Variants in MRGPRE observed in about 807,000 individuals in gnomAD.
The protein encoded by MRGPRE is MAS related GPR family member E.
For missense variants in MRGPRE, 466 were observed against 433.4 expected (o/e 1.08, Z -0.67); for synonymous variants, 229 against 206.7 (o/e 1.11, Z -0.92).
chr11:3,228,889 C>A, intron 1 of MRGPRE, 29 bp from the exon 2 acceptor site: 1 of 1,078,662 alleles, frequency 9.3e-7, no homozygotes, highest in Non-Finnish European at 1.3e-6. Flanking sequence ...GAGTCTGGGG[C>A]TCAGGAATCC....
At position 3,228,374 on chromosome 11, in the gene MRGPRE, A is replaced by G; in HGVS notation, c.426T>C (p.Cys142=). The G allele has an allele frequency of 1.3e-6, 2 of 1,590,018 alleles. No homozygotes were observed. Among genetic ancestry groups the G allele is most frequent in the African/African-American group, 1.3e-5 (1 of 74,546 alleles). ...SCRRPRHLTT[C]VCALTWALCL... is the part of the protein sequence containing the mutation. ...AGAGGGCCCAGGTGAGGGCGCACACACAGGTGGTCAGGTGGCGTGGGCGGC... is the reference window on the plus strand; with the variant it reads ...AGAGGGCCCAGGTGAGGGCGCACACGCAGGTGGTCAGGTGGCGTGGGCGGC... Residue 142 remains cysteine (C), a synonymous_variant, in exon 2 of 2, where the codon TGT becomes TGC. Transcript: ENST00000389832.
Position 3,230,022 on chromosome 11 carries a change from C to T in MRGPRE, c.-61-1162G>A, listed in dbSNP as rs1022663639. Among the ~76,000 whole-genome samples, 2 of 152,120 alleles carry T rather than the reference C, an allele frequency of 1.3e-5. No homozygotes were observed. Among genetic ancestry groups the T allele is most frequent in the Admixed American group, 1.3e-4 (2 of 15,284 alleles). On this transcript the variant is annotated intron_variant, in intron 1 of 1. Transcript: ENST00000389832. The surrounding 1 kb of genome is among the most constrained non-coding windows in gnomAD (Gnocchi z 5.5). ...AATCCCAGGGGACCTAGGCTGGAAT[C>T]GGAGTCTTCATCACAGCTTTGCCAG...
At position 3,227,258 on chromosome 11, in the gene MRGPRE, T is replaced by A. The variant is rs911847022; in HGVS notation, c.*603A>T. Among the ~76,000 whole-genome samples the A allele has an allele frequency of 3.3e-5, 5 of 152,150 alleles. No individual in the cohort carries two copies. The highest frequency in any genetic ancestry group is 6.5e-5 in the Admixed American group (1 of 15,298). On this transcript the variant is annotated 3_prime_UTR_variant, in exon 2 of 2. Coordinates refer to ENST00000389832, the MANE Select transcript of MRGPRE (RefSeq NM_001039165.4). ...GCTTTTCTGAAGCTCCGAGTGAGGG[T>A]TGCATCGTCCCGGTCTGAGGTGCAC... is the stretch of plus-strand genomic sequence containing the variant.
rs1218738680 is a variant in MRGPRE, at chr11:3,228,218, C to T, written c.582G>A (p.Gly194=). The change falls in exon 2 of 2, where the codon GGG becomes GGA. Residue 194 remains glycine (G), a synonymous_variant. Coordinates refer to ENST00000389832, the MANE Select transcript of MRGPRE (RefSeq NM_001039165.4). Reference sequence around the variant, plus strand: ...CCCGCAGCAGCAGCATAAGGCTGGCCCCACACATGGTGCAACACAGCAGAG... The same window carrying T: ...CCCGCAGCAGCAGCATAAGGCTGGCTCCACACATGGTGCAACACAGCAGAG... ...LLALLCCTMC[G]ASLMLLLRVE... 1 of 1,556,112 alleles carries T rather than the reference C, an allele frequency of 6.4e-7. No individual in the cohort carries two copies. Among genetic ancestry groups the T allele is most frequent in the East Asian group, 2.4e-5 (1 of 41,844 alleles).
rs1399341427 is a variant in MRGPRE at position 3,228,401 on chromosome 11, G to A, written c.399C>T (p.Cys133=). ...AGGTGGTCAGGTGGCGTGGGCGGCG[G>A]CACGAGTACCAGGCTGGGAAGAGGG... ...LAALFPAWYS[C]RRPRHLTTCV... is the part of the protein sequence containing the mutation. The change falls in exon 2 of 2, where the codon TGC becomes TGT. Residue 133 remains cysteine, a synonymous_variant. Transcript: ENST00000389832. The A allele has an allele frequency of 6.2e-7, 1 of 1,602,162 alleles. No homozygotes were observed. The highest frequency in any genetic ancestry group is 8.5e-7 in the Non-Finnish European group (1 of 1,175,912).
chr11:3,229,597 C>T lies in MRGPRE; in HGVS notation c.-61-737G>A, dbSNP rs1195053516. On this transcript the variant is annotated intron_variant, in intron 1 of 1. Coordinates refer to ENST00000389832, the MANE Select transcript of MRGPRE (RefSeq NM_001039165.4). The surrounding 1 kb of genome is among the most constrained non-coding windows in gnomAD (Gnocchi z 4.4). Reference sequence around the variant, plus strand: ...AGCTTACAGTGGCTGTGGGGCTTTTCGTCATCATCTTAAAGCAGCCCTCAA... The same window carrying T: ...AGCTTACAGTGGCTGTGGGGCTTTTTGTCATCATCTTAAAGCAGCCCTCAA... Among the ~76,000 whole-genome samples the T allele has an allele frequency of 2.0e-5, 3 of 152,178 alleles. No individual in the cohort carries two copies. The highest frequency in any genetic ancestry group is 7.2e-5 in the African/African-American group (3 of 41,428).
rs1008765131 is a variant in MRGPRE, at chr11:3,227,049, C to G, written c.*812G>C. ...CCTTCCTCAGAGGGATCCTCTGGAG[C>G]GGGACTTGCTCAGGACAGAGGCGGG... On this transcript the variant is annotated 3_prime_UTR_variant, in exon 2 of 2. Transcript: ENST00000389832. 2.0e-5 allele frequency among the ~76,000 whole-genome samples: 3 copies of G among 152,172 alleles called. No homozygotes were observed. The highest frequency in any genetic ancestry group is 1.5e-5 in the Non-Finnish European group (1 of 68,032).
Position 3,228,373 on chromosome 11 carries a change from C to T in MRGPRE, c.427G>A (p.Val143Met), listed in dbSNP as rs1231370383. Reference sequence around the variant, plus strand: ...CAGAGGGCCCAGGTGAGGGCGCACACACAGGTGGTCAGGTGGCGTGGGCGG... The same window carrying T: ...CAGAGGGCCCAGGTGAGGGCGCACATACAGGTGGTCAGGTGGCGTGGGCGG... ...CRRPRHLTTC[V>M]CALTWALCLL... is the part of the protein sequence containing the mutation. Residue 143 changes from valine (V) to methionine (M), a missense_variant, in exon 2 of 2, where the codon GTG (valine) becomes ATG (methionine). Physicochemically the swap from Val to Met is conservative, Grantham distance 21. Transcript: ENST00000389832. The T allele has an allele frequency of 1.3e-6, 2 of 1,589,412 alleles. No individual in the cohort carries two copies. Among genetic ancestry groups the T allele is most frequent in the South Asian group, 1.1e-5 (1 of 88,858 alleles).
In MRGPRE at chr11:3,228,646, T is replaced by A; in HGVS notation, c.154A>T (p.Asn52Tyr). ...ATGGCGAAGGGGTTTCTGTAGACAT[T>A]GGAGCTGAGCAGCCAGAGGACTGCC... The part of the protein sequence containing the change: ...NGAVLWLLSS[N>Y]VYRNPFAIYL... Residue 52 changes from asparagine to tyrosine, a missense_variant, in exon 2 of 2, where the codon AAT becomes TAT. Transcript: ENST00000389832. The A allele has an allele frequency of 6.2e-7, 1 of 1,613,978 alleles. No homozygotes were observed. Among genetic ancestry groups the A allele is most frequent in the Non-Finnish European group, 8.5e-7 (1 of 1,179,992 alleles).
In MRGPRE at chr11:3,230,302, C is replaced by G. The variant is rs1452683013; in HGVS notation, c.-61-1442G>C. On this transcript the variant is annotated intron_variant, in intron 1 of 1. Transcript: ENST00000389832. The surrounding 1 kb of genome is among the most constrained non-coding windows in gnomAD (Gnocchi z 5.5). ...TTGGTGGTGGCTGGTCCTCCTGTGTCCTGGGAGGGCTGGGGTTTGGGGTGA... is the reference window on the plus strand; with the variant it reads ...TTGGTGGTGGCTGGTCCTCCTGTGTGCTGGGAGGGCTGGGGTTTGGGGTGA... Among the ~76,000 whole-genome samples, 1 of 151,942 alleles carries G rather than the reference C, an allele frequency of 6.6e-6. No individual in the cohort carries two copies. The highest frequency in any genetic ancestry group is 1.5e-5 in the Non-Finnish European group (1 of 67,970).
chr11:3,229,449 A>G lies in MRGPRE; in HGVS notation c.-61-589T>C, dbSNP rs190406740. 2.2e-4 allele frequency among the ~76,000 whole-genome samples: 34 copies of G among 151,978 alleles called. No individual in the cohort carries two copies. The highest frequency in any genetic ancestry group is 1.7e-3 in the South Asian group (8 of 4,814). ...ACCATATTGGCCAGGCTGGTCTCGA[A>G]CTCCTGACCTCGTGATCCGCCTGCC... On this transcript the variant is annotated intron_variant, in intron 1 of 1. Transcript: ENST00000389832. This position sits in a 1 kb window ranked among gnomAD's most constrained non-coding sequence, Gnocchi z 4.4.
rs752309408 is a variant in MRGPRE, at chr11:3,228,059, G to A, written c.741C>T (p.Pro247=). Residue 247 remains proline (P), a synonymous_variant, in exon 2 of 2, where the codon CCC becomes CCT. Coordinates refer to ENST00000389832, the MANE Select transcript of MRGPRE (RefSeq NM_001039165.4). The stretch of plus-strand genomic sequence containing the variant: ...GGAAGCTGAAGTGGTAGAAGTAGTG[G>A]GGGATGTACCAGAGCAGGTTCCGGG... ...WLSRNLLWYI[P]HYFYHFSFLM... 1 of 1,608,798 alleles carries A rather than the reference G, an allele frequency of 6.2e-7. No homozygotes were observed. The highest frequency in any genetic ancestry group is 2.2e-5 in the East Asian group (1 of 44,684).
chr11:3,228,336 TGCA>T lies in MRGPRE; in HGVS notation c.461_463del (p.Leu154del). 6.4e-7 allele frequency: 1 copy of T among 1,565,560 alleles called. No individual in the cohort carries two copies. Among genetic ancestry groups the T allele is most frequent in the Non-Finnish European group, 8.6e-7 (1 of 1,159,226 alleles). Reference sequence around the variant, plus strand: ...GGTGCAGGCGCCGCTGAGCAGCAGGTGCAGCAGCAGGCAGAGGGCCCAGGTGAG... The same window carrying T: ...GGTGCAGGCGCCGCTGAGCAGCAGGTGCAGCAGGCAGAGGGCCCAGGTGAG... On this transcript the variant is annotated inframe_deletion, in exon 2 of 2. Transcript: ENST00000389832.
rs145193692 is a variant in MRGPRE, at chr11:3,228,917, C to T, written c.-61-57G>A. 9.3e-4 allele frequency: 752 copies of T among 809,676 alleles called. 3 individuals are homozygous for T. The African/African-American group carries it at 0.011, about 12-fold the overall frequency. 50.2% of individuals were successfully genotyped at this position (809,676 alleles called of 1,614,324 possible). On this transcript the variant is annotated intron_variant, in intron 1 of 1. Transcript: ENST00000389832. ...AGGAATCCATGCCCCCTGCTCCTCC[C>T]CACATCAGGGGAGATGAGAGTTGGG... is the stretch of plus-strand genomic sequence containing the variant.
At position 3,231,548 on chromosome 11, in the gene MRGPRE, G is replaced by A. The variant is rs1218287025; in HGVS notation, c.-62+593C>T. ...GCATCCTTGGTGAGCAGGAGGAAGA[G>A]GAGAGGGAGGAGAAGGAGGGGAGGA... On this transcript the variant is annotated intron_variant, in intron 1 of 1. Coordinates refer to ENST00000389832, the MANE Select transcript of MRGPRE (RefSeq NM_001039165.4). This position sits in a 1 kb window ranked among gnomAD's most constrained non-coding sequence, Gnocchi z 4.7. Among the ~76,000 whole-genome samples the A allele has an allele frequency of 2.7e-5, 4 of 150,718 alleles. No homozygotes were observed. The highest frequency in any genetic ancestry group is 5.9e-5 in the Non-Finnish European group (4 of 67,678).
chr11:3,231,305 G>C lies in MRGPRE; in HGVS notation c.-62+836C>G, dbSNP rs2134632707. 6.6e-6 allele frequency among the ~76,000 whole-genome samples: 1 copy of C among 152,124 alleles called. No individual in the cohort carries two copies. The highest frequency in any genetic ancestry group is 2.4e-5 in the African/African-American group (1 of 41,502). ...GGAAGGGGAGAGGCATGAAGAGATGGGGGACAGAGAAGGAAACAGGGAGGA... is the reference window on the plus strand; with the variant it reads ...GGAAGGGGAGAGGCATGAAGAGATGCGGGACAGAGAAGGAAACAGGGAGGA... On this transcript the variant is annotated intron_variant, in intron 1 of 1. Transcript: ENST00000389832. This position sits in a 1 kb window ranked among gnomAD's most constrained non-coding sequence, Gnocchi z 4.7.
rs763878855 is a variant in MRGPRE at position 3,225,548 on chromosome 11, C to T, written c.*2313G>A. ...GTGCAGCGGGGGAGGTCAGAGGAGGCGCAGGCTGGGCAGGGGCAGGTGGGA... is the reference window on the plus strand; with the variant it reads ...GTGCAGCGGGGGAGGTCAGAGGAGGTGCAGGCTGGGCAGGGGCAGGTGGGA... On this transcript the variant is annotated 3_prime_UTR_variant, in exon 2 of 2. Transcript: ENST00000389832. Among the ~76,000 whole-genome samples, 20 of 152,230 alleles carry T rather than the reference C, an allele frequency of 1.3e-4. No individual in the cohort carries two copies. The highest frequency in any genetic ancestry group is 3.4e-3 in the Middle Eastern group (1 of 294).
rs931899181 is a variant in MRGPRE, at chr11:3,227,035, G to A, written c.*826C>T. Reference sequence around the variant, plus strand: ...GTGAAGCCTGGGTTCCTTCCTCAGAGGGATCCTCTGGAGCGGGACTTGCTC... The same window carrying A: ...GTGAAGCCTGGGTTCCTTCCTCAGAAGGATCCTCTGGAGCGGGACTTGCTC... On this transcript the variant is annotated 3_prime_UTR_variant, in exon 2 of 2. Coordinates refer to ENST00000389832, the MANE Select transcript of MRGPRE (RefSeq NM_001039165.4). Among the ~76,000 whole-genome samples the A allele has an allele frequency of 6.6e-6, 1 of 152,202 alleles. No homozygotes were observed. The highest frequency in any genetic ancestry group is 1.5e-5 in the Non-Finnish European group (1 of 68,038).
In MRGPRE at chr11:3,227,894, G is replaced by A. The variant is rs923430861; in HGVS notation, c.906C>T (p.Thr302=). The change falls in exon 2 of 2, where the codon ACC becomes ACT. Residue 302 remains threonine, a synonymous_variant. Transcript: ENST00000389832. ...DEAELGAVRE[T]SRRGLVDIAA is the part of the protein sequence containing the mutation. The stretch of plus-strand genomic sequence containing the variant: ...CTATGTCCACCAGGCCCCGGCGGGA[G>A]GTCTCCCTGACGGCCCCCAGCTCAG... The A allele has an allele frequency of 6.8e-7, 1 of 1,467,642 alleles. No homozygotes were observed. The highest frequency in any genetic ancestry group is 9.0e-7 in the Non-Finnish European group (1 of 1,106,970). The allele number at this position is 1,467,642 out of a possible 1,614,324, so 90.9% of individuals were successfully genotyped here. A position where few individuals can be genotyped will look rare whatever the true frequency, so the allele number is the denominator to read the frequency against.
Sources: gnomAD v4.1 joint callset for allele counts (sites outside exome capture counted in the v4.1 genomes callset) on GRCh38, gnomAD v4.1.1 for gene constraint, Gnocchi (gnomAD v3.1) non-coding constraint, MANE v1.5 for transcripts, NCBI Gene and HGNC (gene_info 2026-07-23, HGNC 2026-07-21) for gene names.